DPP8: variants seen among roughly 807,000 people sequenced by gnomAD.
The protein encoded by DPP8 is DPP VIII.
In DPP8, 31 loss-of-function variants were observed where a neutral mutation model predicts 107.5. That is an observed-to-expected ratio of 0.29 (90% CI 0.22 to 0.39). The LOEUF (loss-of-function observed/expected upper bound fraction) is 0.39, where lower values mean the gene tolerates loss of function less well. DPP8 is among the 10% of genes least tolerant of loss of function. The pLI is 1.00. For synonymous variants in DPP8, 381 were observed against 356.6 expected, an observed-to-expected ratio of 1.07 and a Z score of -0.77; for missense variants, 842 against 1,076.1, an observed-to-expected ratio of 0.78 and a Z score of 3.04.
At chr15:65,510,617 C>T (rs2070648702) in intron 2 of DPP8, among the ~76,000 whole-genome samples, 1 of 152,152 alleles carries the variant, frequency 6.6e-6, no homozygotes, top group South Asian at 2.1e-4. Context: ...CAGCTCACTG[C>T]AACCTCCACC....
chr15:65,475,290 T>G (rs1165003156), intron 11 of DPP8: 1 of 699,612 alleles, frequency 1.4e-6, no homozygotes, highest in African/African-American at 1.8e-5. Flanking sequence ...ATACCTCTAT[T>G]CCACCCCAGT....
At chr15:65,477,530 T>A (rs1292673065) in intron 11 of DPP8, among the ~76,000 whole-genome samples, 1 of 124,136 alleles carries the variant, frequency 8.1e-6, no homozygotes, top group African/African-American at 4.3e-5. Context: ...TTTTCCACAA[T>A]TTTTTTTTTT....
chr15:65,517,289 C>T (rs1418278071), intron 1 of DPP8, 197 bp downstream of exon 1: 1 of 152,596 alleles, frequency 6.6e-6, no homozygotes, highest in East Asian at 1.9e-4. Context: ...CCTCGGCTTC[C>T]TCTTCCGGCA....
intron 1 of DPP8, among the ~76,000 whole-genome samples, chr15:65,513,063 C>T (rs553218975): frequency 2.0e-5 from 3 of 152,286 alleles, no homozygotes; most frequent in South Asian, 4.1e-4. Flanking sequence ...TCAAAAATAA[C>T]GTGCATGTAA....
At chr15:65,508,744 C>T (rs1419851978) in intron 2 of DPP8, among the ~76,000 whole-genome samples, 3 of 151,544 alleles carry the variant, frequency 2.0e-5, no homozygotes, top group Non-Finnish European at 2.9e-5. Flanking sequence ...CCCAGCTACT[C>T]GGGAGGCTGA....
chr15:65,475,692 AT>A (rs1183037668), intron 11 of DPP8: 1 of 567,860 alleles, frequency 1.8e-6, no homozygotes, highest in Non-Finnish European at 3.1e-6. Context: ...ATTGTTCTTC[AT>A]TTGCCAAAAA....
chr15:65,515,956 T>C (rs570266621), intron 1 of DPP8: 2 of 477,786 alleles, frequency 4.2e-6, no homozygotes, highest in Admixed American at 3.9e-5. Context: ...TTTTATGTTA[T>C]CAGAATTCAA....
rs1176731911 is a variant in DPP8 at position 65,500,717 on chromosome 15, A to G, written c.435T>C (p.Ile145=). 6.2e-7 allele frequency: 1 copy of G among 1,613,902 alleles called. No individual in the cohort carries two copies. Among genetic ancestry groups the G allele is most frequent in the African/African-American group, 1.3e-5 (1 of 74,922 alleles). ...CGTAAGAAGCAATTCCGACTGTTCC[A>G]ATGCGTTTTCTTTCTCTTAATAGTT... ...EEELLRERKR[I]GTVGIASYDY... Residue 145 remains isoleucine, a synonymous_variant, in exon 4 of 20, where the codon ATT becomes ATC. Transcript: ENST00000300141.
rs1375700065 is a variant in DPP8 at position 65,446,175 on chromosome 15, T to C, written c.*709A>G. On this transcript the variant is annotated 3_prime_UTR_variant, in exon 20 of 20. Transcript: ENST00000300141. ...ATATCATGACTAATTAAATCCATGCTACATATACAGTTACTAGCCTTTATG... is the reference window on the plus strand; with the variant it reads ...ATATCATGACTAATTAAATCCATGCCACATATACAGTTACTAGCCTTTATG... 1 of 152,094 alleles carries C rather than the reference T, an allele frequency of 6.6e-6. No homozygotes were observed. The highest frequency in any genetic ancestry group is 1.9e-4 in the East Asian group (1 of 5,204). 9.4% of individuals were successfully genotyped at this position (152,094 alleles called of 1,614,324 possible). A position where few individuals can be genotyped will look rare whatever the true frequency, so the allele number is the denominator to read the frequency against.
intron 4 of DPP8, among the ~76,000 whole-genome samples, chr15:65,498,918 T>A (rs2068874685): frequency 6.6e-6 from 1 of 151,702 alleles, no homozygotes; most frequent in African/African-American, 2.4e-5. Context: ...AGTAATTGGG[T>A]GTGGTGGCAC....
chr15:65,451,977 T>C lies in DPP8; in HGVS notation c.2397A>G (p.Ala799=). ...GYYLGSVAMQ[A]EKFPSEPNRL... ...GCACTTACTCAGAGGGGAACTTTTC[T>C]GCTTGCATGGCCACAGATCCTAAGT... The change falls in exon 18 of 20, where the codon GCA becomes GCG. Residue 799 remains alanine, a synonymous_variant. Transcript: ENST00000300141. 1 of 1,597,918 alleles carries C rather than the reference T, an allele frequency of 6.3e-7. No homozygotes were observed.
At chr15:65,451,202 C>T in intron 18 of DPP8, 92 bp from the exon 19 acceptor site, 1 of 727,928 alleles carries the variant, frequency 1.4e-6, no homozygotes, top group Non-Finnish European at 2.4e-6. Flanking sequence ...ACCATATTAA[C>T]TTCCTTATAC....
intron 12 of DPP8, among the ~76,000 whole-genome samples, chr15:65,470,033 T>C (rs767857049): frequency 3.9e-4 from 57 of 144,752 alleles, no homozygotes; most frequent in Middle Eastern, 3.8e-3. Flanking sequence ...CCCATCTCTG[T>C]TAAAAACACA....
In DPP8 at chr15:65,490,179, AC is replaced by A. The variant is rs1345731861; in HGVS notation, c.826+9del. 1 of 1,353,218 alleles carries A rather than the reference AC, an allele frequency of 7.4e-7. No individual in the cohort carries two copies. Among genetic ancestry groups the A allele is most frequent in the South Asian group, 1.2e-5 (1 of 85,536 alleles). 83.8% of individuals were successfully genotyped at this position (1,353,218 alleles called of 1,614,324 possible). ...ATTGACCCATAATATATTATTTTGA[AC>A]CCCCTTACTTGTTTCAGCTTTTGGA... On this transcript the variant is annotated intron_variant, in intron 6 of 19. Transcript: ENST00000300141.
At chr15:65,456,091 C>T in intron 16 of DPP8, 134 bp downstream of exon 16, 7 of 1,113,674 alleles carry the variant, frequency 6.3e-6, no homozygotes, top group Non-Finnish European at 8.6e-6. Flanking sequence ...CTCCCACCCC[C>T]AAACTCTAAC....
At chr15:65,512,687 C>T (rs1277660681) in intron 1 of DPP8, 123 bp from the exon 2 acceptor site, 2 of 920,478 alleles carry the variant, frequency 2.2e-6, no homozygotes, top group Non-Finnish European at 3.3e-6. Flanking sequence ...CTTTTTAGCA[C>T]AGCTGCAATG....
intron 19 of DPP8, among the ~76,000 whole-genome samples, chr15:65,449,362 A>G (rs920383231): frequency 5.9e-5 from 9 of 151,280 alleles, no homozygotes; most frequent in Admixed American, 4.6e-4. Context: ...GTTTTGGTAC[A>G]GTATCAAAGA....
At chr15:65,469,518 T>C (rs1422991759) in intron 12 of DPP8, among the ~76,000 whole-genome samples, 3 of 151,348 alleles carry the variant, frequency 2.0e-5, no homozygotes, top group South Asian at 2.1e-4. Flanking sequence ...CTGGGCATGG[T>C]GGCATGCACC....
chr15:65,461,905 T>C (rs2140439288), intron 15 of DPP8, among the ~76,000 whole-genome samples: 1 of 149,424 alleles, frequency 6.7e-6, no homozygotes, highest in South Asian at 2.1e-4. Flanking sequence ...AGCCGACCGT[T>C]TTTTTTTTTT....
Sources: allele counts gnomAD v4.1 joint callset (sites outside exome capture counted in the v4.1 genomes callset), GRCh38; gene constraint gnomAD v4.1.1; transcripts MANE v1.5; gene names NCBI Gene and HGNC (gene_info 2026-07-23, HGNC 2026-07-21).